Variants in IPO5 observed in about 807,000 individuals in gnomAD.
IPO5 encodes importin 5, also known as importin-5.
Under a neutral mutation model 143.3 loss-of-function variants are expected in IPO5, and 18 were observed. That is an observed-to-expected ratio of 0.13 (90% CI 0.09 to 0.19). IPO5 has a LOEUF of 0.19. Ranked by LOEUF, IPO5 falls within the 10% of genes least tolerant of loss-of-function variation. IPO5 has a pLI of 1.00. For missense variants in IPO5, 1,013 were observed against 1,336.9 expected (o/e 0.76, Z 3.78); for synonymous variants, 477 against 465.7 (o/e 1.02, Z -0.31).
chr13:98,013,674 G>A (rs1270717026), intron 21 of IPO5, among the ~76,000 whole-genome samples: 1 of 152,142 alleles, frequency 6.6e-6, no homozygotes, highest in African/African-American at 2.4e-5. Flanking sequence ...GAGGTCCTCG[G>A]TGGTCTTTTT....
At chr13:97,992,841 G>A in intron 9 of IPO5, 51 bp from the exon 10 acceptor site, 1 of 1,550,056 alleles carries the variant, frequency 6.5e-7, no homozygotes. Flanking sequence ...TGGCTAATGA[G>A]GCATTATAAA....
At chr13:98,013,361 T>G (rs1185261581) in intron 21 of IPO5, among the ~76,000 whole-genome samples, 3 of 152,138 alleles carry the variant, frequency 2.0e-5, no homozygotes, top group African/African-American at 7.2e-5. Flanking sequence ...AACATAATGA[T>G]AGCCGTAATT....
chr13:98,010,250 C>T (rs1889583710), intron 20 of IPO5, 26 bp downstream of exon 20: 3 of 1,602,926 alleles, frequency 1.9e-6, no homozygotes, highest in Non-Finnish European at 2.6e-6. Flanking sequence ...TTTTACTAAA[C>T]TTTTATTTTA....
chr13:97,980,445 A>G (rs1886744651), intron 4 of IPO5, among the ~76,000 whole-genome samples: 1 of 152,220 alleles, frequency 6.6e-6, no homozygotes. Flanking sequence ...TAAGTCTACT[A>G]GAGTTAGCAT....
intron 18 of IPO5, among the ~76,000 whole-genome samples, chr13:98,009,072 G>A (rs1299121832): frequency 6.6e-6 from 1 of 152,224 alleles, no homozygotes; most frequent in Non-Finnish European, 1.5e-5. Context: ...TAAGCTGTAG[G>A]GAGGGGTGGT....
Position 98,009,883 on chromosome 13 carries a change from C to A in IPO5, c.1803C>A (p.Ile601=). Reference sequence around the variant, plus strand: ...TTAATTTTAAAATTTTTCCCCAGATCTCTTACATGATCTCAGCATGGGCCA... The same window carrying A: ...TTAATTTTAAAATTTTTCCCCAGATATCTTACATGATCTCAGCATGGGCCA... ...FNDMEDDDPQ[I]SYMISAWARM... The change falls in exon 19 of 29, where the codon ATC becomes ATA. Residue 601 remains isoleucine (I), a splice_region_variant and synonymous_variant. Coordinates refer to ENST00000651721, the MANE Select transcript of IPO5 (RefSeq NM_002271.6). 1 of 1,597,122 alleles carries A rather than the reference C, an allele frequency of 6.3e-7. No homozygotes were observed. Among genetic ancestry groups the A allele is most frequent in the South Asian group, 1.1e-5 (1 of 88,664 alleles).
intron 4 of IPO5, among the ~76,000 whole-genome samples, chr13:97,981,675 C>T (rs1670087426): frequency 6.6e-6 from 1 of 152,204 alleles, no homozygotes; most frequent in Non-Finnish European, 1.5e-5. Context: ...TTAGAGTAAG[C>T]AATTCCAAGT....
intron 25 of IPO5, 23 bp from the exon 26 acceptor site, chr13:98,018,462 T>C (rs1478105298): frequency 1.9e-6 from 3 of 1,548,474 alleles, no homozygotes; most frequent in Non-Finnish European, 1.8e-6. Context: ...TATTTGAAGC[T>C]TAAAAGAGAA....
At chr13:98,008,440 C>A (rs2139812123) in intron 18 of IPO5, among the ~76,000 whole-genome samples, 1 of 152,304 alleles carries the variant, frequency 6.6e-6, no homozygotes, top group East Asian at 1.9e-4. Flanking sequence ...CCGGTTTCCT[C>A]TGTGTGCTTG....
chr13:98,021,401 A>G, intron 28 of IPO5: 1 of 359,722 alleles, frequency 2.8e-6, no homozygotes, highest in East Asian at 4.3e-5. Flanking sequence ...TTTTCTGCCT[A>G]TCTTAAGAAA....
chr13:97,989,756 A>G (rs1168158959), intron 7 of IPO5, among the ~76,000 whole-genome samples: 1 of 152,120 alleles, frequency 6.6e-6, no homozygotes, highest in Non-Finnish European at 1.5e-5. Context: ...TATATCAGTA[A>G]TTCAGATTAG....
At chr13:97,972,469 A>G (rs2139568150) in intron 3 of IPO5, among the ~76,000 whole-genome samples, 1 of 152,326 alleles carries the variant, frequency 6.6e-6, no homozygotes, top group East Asian at 1.9e-4. Flanking sequence ...ACTTCCTAAC[A>G]GCAAAAATCC....
rs754660043 is a variant in IPO5, at chr13:97,990,444, A to G, written c.576A>G (p.Leu192=). ...QDQEHPSIRT[L]SARATAAFIL... ...CCTCTTGATTTTAGATCAGGACGTT[A>G]TCTGCTAGAGCTACAGCTGCATTTA... Residue 192 remains leucine, a synonymous_variant, in exon 9 of 29, where the codon TTA becomes TTG. Transcript: ENST00000651721. 3 of 1,598,450 alleles carry G rather than the reference A, an allele frequency of 1.9e-6. No individual in the cohort carries two copies. The highest frequency in any genetic ancestry group is 2.3e-5 in the South Asian group (2 of 87,064).
chr13:97,955,318 T>C (rs767674798), intron 2 of IPO5, among the ~76,000 whole-genome samples: 4 of 152,136 alleles, frequency 2.6e-5, no homozygotes, highest in Non-Finnish European at 4.4e-5. Flanking sequence ...AGCTGTCTTC[T>C]CTGTGCTGAG....
At chr13:97,992,765 T>A in intron 9 of IPO5, 127 bp from the exon 10 acceptor site, 1 of 970,438 alleles carries the variant, frequency 1.0e-6, no homozygotes, top group Non-Finnish European at 1.5e-6. Flanking sequence ...TAATATAGAT[T>A]GCTAAATTAT....
At chr13:98,021,282 T>C in intron 28 of IPO5, 149 bp downstream of exon 28, 7 of 612,318 alleles carry the variant, frequency 1.1e-5, no homozygotes, top group Non-Finnish European at 1.9e-5. Context: ...AAATGGATTA[T>C]ACTTAATGTA....
At chr13:97,962,151 A>G (rs964867389) in intron 2 of IPO5, among the ~76,000 whole-genome samples, 1 of 152,056 alleles carries the variant, frequency 6.6e-6, no homozygotes, top group African/African-American at 2.4e-5. Context: ...TTATTTGCAT[A>G]TATTTTCTCC....
chr13:98,014,797 C>A lies in IPO5; in HGVS notation c.2325+583C>A, dbSNP rs1365278632. Among the ~76,000 whole-genome samples the A allele has an allele frequency of 5.3e-5, 8 of 151,376 alleles. No individual in the cohort carries two copies. In the East Asian group the frequency reaches 1.6e-3, roughly 29 times the overall value. On this transcript the variant is annotated intron_variant, in intron 22 of 28. Coordinates refer to ENST00000651721, the MANE Select transcript of IPO5 (RefSeq NM_002271.6). ...AATCCAACTATAGAAGCTTGGGTAT[C>A]ATCTCCAGTTTCTGTTCTTTACACT...
Position 97,985,597 on chromosome 13 carries a change from G to A in IPO5, c.348G>A (p.Leu116=). The A allele has an allele frequency of 1.2e-6, 2 of 1,612,752 alleles. No individual in the cohort carries two copies. Among genetic ancestry groups the A allele is most frequent in the Non-Finnish European group, 1.7e-6 (2 of 1,179,670 alleles). ...AAGTTTGTGATATTGCGGCAGAACTGGCCAGGAATTTAATAGGTGTGTATG... is the reference window on the plus strand; with the variant it reads ...AAGTTTGTGATATTGCGGCAGAACTAGCCAGGAATTTAATAGGTGTGTATG... ...RKKVCDIAAE[L]ARNLIDEDGN... is the part of the protein sequence containing the mutation. The change falls in exon 6 of 29, where the codon CTG becomes CTA. Residue 116 remains leucine, a synonymous_variant. Transcript: ENST00000651721.
Sources: gnomAD v4.1 joint callset for allele counts (sites outside exome capture counted in the v4.1 genomes callset) on GRCh38, gnomAD v4.1.1 for gene constraint, MANE v1.5 for transcripts, NCBI Gene and HGNC (gene_info 2026-07-23, HGNC 2026-07-21) for gene names.